The following MAP3K20 variants were observed in gnomAD, a reference collection of about 807,000 sequenced individuals.
The protein encoded by MAP3K20 is HCCS-4.
MAP3K20 carries 40 observed loss-of-function variants against 85.7 expected under a neutral mutation model. That is an observed-to-expected ratio of 0.47 (90% confidence interval 0.36 to 0.61). MAP3K20 has a LOEUF of 0.61. MAP3K20 is among the 20% of genes least tolerant of loss of function. The pLI is 0.00. For missense variants in MAP3K20, 817 were observed against 961.7 expected, an observed-to-expected ratio of 0.85 and a Z score of 1.99; for synonymous variants, 325 against 327.7, an observed-to-expected ratio of 0.99 and a Z score of 0.09.
intron 2 of MAP3K20, among the ~76,000 whole-genome samples, chr2:173,128,312 C>G (rs375912236): frequency 0.25 from 36,589 of 145,678 alleles, 5,644 homozygotes; most frequent in Non-Finnish European, 0.34. Flanking sequence ...TTATAGTTGA[C>G]TTATTTATTT....
chr2:173,145,364 T>TA (rs1689108041), intron 2 of MAP3K20, among the ~76,000 whole-genome samples: 1 of 152,186 alleles, frequency 6.6e-6, no homozygotes, highest in African/African-American at 2.4e-5. Flanking sequence ...AGCATGTTTA[T>TA]AATGAGATAT....
At position 173,182,966 on chromosome 2, in the gene MAP3K20, T is replaced by C. The variant is rs1690373389; in HGVS notation, c.349+11T>C. ...CTGATGTAGCCAAAGGTAATAATAT[T>C]TGGTATATTCTTATAGAATTAGTGG... is the stretch of plus-strand genomic sequence containing the variant. On this transcript the variant is annotated intron_variant, in intron 4 of 19. Transcript: ENST00000375213. The C allele has an allele frequency of 6.3e-7, 1 of 1,590,374 alleles. No individual in the cohort carries two copies.
intron 2 of MAP3K20, among the ~76,000 whole-genome samples, chr2:173,105,752 G>A (rs1394021557): frequency 6.6e-6 from 1 of 152,156 alleles, no homozygotes; most frequent in Non-Finnish European, 1.5e-5. Context: ...ACCAGGGGCT[G>A]GGAGAGAGAG....
chr2:173,100,792 C>T (rs1489726491), intron 2 of MAP3K20, among the ~76,000 whole-genome samples: 1 of 152,094 alleles, frequency 6.6e-6, no homozygotes, highest in African/African-American at 2.4e-5. Flanking sequence ...TAACATTGTG[C>T]TACGTATATA....
At chr2:173,095,709 G>T (rs1687438051) in intron 2 of MAP3K20, among the ~76,000 whole-genome samples, 1 of 152,114 alleles carries the variant, frequency 6.6e-6, no homozygotes, top group Non-Finnish European at 1.5e-5. Context: ...AGGAAGAATT[G>T]GAAATTACAA....
chr2:173,170,230 T>A (rs1028362719), intron 3 of MAP3K20, among the ~76,000 whole-genome samples: 3 of 152,226 alleles, frequency 2.0e-5, no homozygotes, highest in Admixed American at 6.5e-5. Context: ...TGACCTTTTA[T>A]AAATTAAGAT....
In MAP3K20 at chr2:173,216,066, T is replaced by TCCCTCTC. The variant is rs533144555; in HGVS notation, c.852-1039_852-1033dup. On this transcript the variant is annotated intron_variant, in intron 10 of 19. Coordinates refer to ENST00000375213, the MANE Select transcript of MAP3K20 (RefSeq NM_016653.3). Reference sequence around the variant, plus strand: ...TCCAGTGCCTTCTCTAGCCTTGACTTCCCTCTCCCCTCTCCCTCATTCTCT... The same window carrying TCCCTCTC: ...TCCAGTGCCTTCTCTAGCCTTGACTTCCCTCTCCCCTCTCCCCTCTCCCTCATTCTCT... Among the ~76,000 whole-genome samples, 93 of 152,292 alleles carry TCCCTCTC rather than the reference T, an allele frequency of 6.1e-4. 1 individual carries two copies. Among genetic ancestry groups the TCCCTCTC allele is most frequent in the Admixed American group, 4.6e-3 (70 of 15,294 alleles).
chr2:173,226,455 G>A (rs1684391276), intron 11 of MAP3K20: 1 of 985,396 alleles, frequency 1.0e-6, no homozygotes, highest in Non-Finnish European at 1.2e-6. Context: ...TTTTGAGTAA[G>A]ACTGTTTTCC....
upstream of MAP3K20, chr2:173,075,725 G>A (rs1010685693): frequency 3.0e-6 from 3 of 985,328 alleles, no homozygotes; most frequent in African/African-American, 3.5e-5. Flanking sequence ...GTGCCCCCCG[G>A]GCGCAGGCCA....
chr2:173,109,253 T>C lies in MAP3K20; in HGVS notation c.159+18063T>C, dbSNP rs1029634583. Among the ~76,000 whole-genome samples the C allele has an allele frequency of 3.3e-5, 5 of 152,366 alleles. No individual in the cohort carries two copies. In the East Asian group the frequency reaches 7.7e-4, roughly 23 times the overall value. On this transcript the variant is annotated intron_variant, in intron 2 of 19. Coordinates refer to ENST00000375213, the MANE Select transcript of MAP3K20 (RefSeq NM_016653.3). ...ATGTAACTTGAATTTATCTGGGCAC[T>C]AGGCACCTTCCTTTAGTATTCTGTA...
chr2:173,228,784 T>C (rs1463492058), intron 11 of MAP3K20, among the ~76,000 whole-genome samples: 2 of 147,714 alleles, frequency 1.4e-5, no homozygotes, highest in Non-Finnish European at 3.0e-5. Flanking sequence ...CCCTATGATT[T>C]TTATACTAAC....
chr2:173,224,972 A>C (rs1193529376), intron 11 of MAP3K20: 41 of 865,784 alleles, frequency 4.7e-5, no homozygotes, highest in Non-Finnish European at 5.4e-5. Flanking sequence ...AAAAATGTAC[A>C]TTTAGAGGTT....
chr2:173,231,021 A>G (rs573771857), intron 12 of MAP3K20, among the ~76,000 whole-genome samples: 16 of 152,286 alleles, frequency 1.1e-4, no homozygotes, highest in African/African-American at 2.9e-4. Flanking sequence ...TTTAAGTTCT[A>G]TAAAACTCAG....
chr2:173,256,457 A>T (rs6754678), intron 16 of MAP3K20, among the ~76,000 whole-genome samples: 5,710 of 151,756 alleles, frequency 0.038, 376 homozygotes, highest in African/African-American at 0.13. Context: ...CGAGACACTA[A>T]CTCTAAAAAA....
At chr2:173,110,219 ATATATATATATATATATATATATTTTTTT>A (rs1559234995) in intron 2 of MAP3K20, among the ~76,000 whole-genome samples, 1 of 7,088 alleles carries the variant, frequency 1.4e-4, no homozygotes, top group African/African-American at 3.9e-4. Context: ...ATATATATAT[ATATATATATATATATATATATATTTTTTT>A]TTTTTTTTTT....
chr2:173,086,290 T>C (rs1687144915), intron 1 of MAP3K20, among the ~76,000 whole-genome samples: 1 of 152,174 alleles, frequency 6.6e-6, no homozygotes, highest in Admixed American at 6.5e-5. Flanking sequence ...TAACTAGCAC[T>C]CAGATTTTTC....
At chr2:173,115,238 G>A (rs566416780) in intron 2 of MAP3K20, among the ~76,000 whole-genome samples, 2 of 152,192 alleles carry the variant, frequency 1.3e-5, no homozygotes, top group East Asian at 3.9e-4. Flanking sequence ...CTAAAAGTGT[G>A]TCCAAAATTT....
chr2:173,172,498 C>T (rs1326699779), intron 3 of MAP3K20, among the ~76,000 whole-genome samples: 1 of 152,012 alleles, frequency 6.6e-6, no homozygotes, highest in Non-Finnish European at 1.5e-5. Flanking sequence ...ATAGATGGGT[C>T]ACTGATGATC....
chr2:173,185,882 TCTC>T (rs748837784), intron 4 of MAP3K20, among the ~76,000 whole-genome samples: 4 of 152,092 alleles, frequency 2.6e-5, no homozygotes, highest in Non-Finnish European at 5.9e-5. Context: ...TCCCCAAAAG[TCTC>T]CTCAGTTACA....
Sources: gnomAD v4.1 joint callset for allele counts (sites outside exome capture counted in the v4.1 genomes callset) on GRCh38, gnomAD v4.1.1 for gene constraint, MANE v1.5 for transcripts, NCBI Gene and HGNC (gene_info 2026-07-23, HGNC 2026-07-21) for gene names.